CTPS2: variants seen among roughly 807,000 people sequenced by gnomAD.
The protein encoded by CTPS2 is CTP synthase II.
A neutral mutation model predicts 46.8 loss-of-function variants in CTPS2; 19 were observed. That is an observed-to-expected ratio of 0.41 (90% CI 0.28 to 0.60). The LOEUF (loss-of-function observed/expected upper bound fraction) is 0.60. CTPS2 is among the 20% of genes least tolerant of loss of function. The probability of loss-of-function intolerance (pLI) is 0.35; values close to 1 mark genes in which losing one functional copy is unlikely to be tolerated. For synonymous variants in CTPS2, 151 were observed against 165.2 expected (o/e 0.91, Z 0.66); for missense variants, 286 against 447.6 (o/e 0.64, Z 3.26).
At position 16,601,583 on chromosome X, in the gene CTPS2, G is replaced by C. The variant is rs922379026; in HGVS notation, c.1691+7958C>G. Among the ~76,000 whole-genome samples, 688 of 98,616 alleles carry C rather than the reference G, an allele frequency of 7.0e-3. 21 individuals are homozygous for C. The highest frequency in any genetic ancestry group is 0.062 in the Admixed American group (568 of 9,185). The allele number at this position is 98,616 out of a possible 115,157, so 85.6% of individuals were successfully genotyped here. On this transcript the variant is annotated intron_variant, in intron 17 of 18. Coordinates refer to ENST00000359276, the MANE Select transcript of CTPS2 (RefSeq NM_175859.3). Reference sequence around the variant, plus strand: ...CCAAGGGAAGCCATCGGGGGGGGGGGGGTTTAAGTTCCAAAATAATGTGGG... The same window carrying C: ...CCAAGGGAAGCCATCGGGGGGGGGGCGGTTTAAGTTCCAAAATAATGTGGG...
At chrX:16,601,096 C>T (rs1170191584) in intron 17 of CTPS2, among the ~76,000 whole-genome samples, 1 of 111,409 alleles carries the variant, frequency 9.0e-6, no homozygotes, top group Non-Finnish European at 1.9e-5. Context: ...CAAGAATGGC[C>T]CCTGGCAACA....
At chrX:16,647,824 G>A (rs183306609) in intron 13 of CTPS2, among the ~76,000 whole-genome samples, 1 of 111,709 alleles carries the variant, frequency 9.0e-6, no homozygotes, top group East Asian at 2.8e-4. Context: ...GCTCACGCCT[G>A]TAATCCCAGC....
intron 9 of CTPS2, among the ~76,000 whole-genome samples, chrX:16,679,007 A>G (rs1922516249): frequency 9.0e-6 from 1 of 110,993 alleles, no homozygotes; most frequent in Admixed American, 9.7e-5. Context: ...GAAGCAAGAT[A>G]AGCACGTGTG....
chrX:16,668,726 G>A (rs1921430619), intron 11 of CTPS2, among the ~76,000 whole-genome samples: 1 of 92,009 alleles, frequency 1.1e-5, no homozygotes, highest in South Asian at 6.9e-4. Context: ...GGAAGGGAGG[G>A]AAGGGAGAAA....
chrX:16,699,355 T>G (rs1193396001), intron 2 of CTPS2, among the ~76,000 whole-genome samples: 1 of 111,822 alleles, frequency 8.9e-6, no homozygotes, highest in Non-Finnish European at 1.9e-5. Context: ...AAACTCAACA[T>G]ATGCCACATA....
chrX:16,639,279 G>T, intron 13 of CTPS2, 36 bp from the exon 14 acceptor site: 1 of 1,039,430 alleles, frequency 9.6e-7, no homozygotes, highest in Non-Finnish European at 1.4e-6. Flanking sequence ...TTGCCATCTT[G>T]TAAAAATGTC....
At chrX:16,657,272 C>T (rs981071066) in intron 13 of CTPS2, among the ~76,000 whole-genome samples, 3 of 102,917 alleles carry the variant, frequency 2.9e-5, no homozygotes, top group African/African-American at 1.1e-4. Flanking sequence ...ATCATTTTTC[C>T]AGAAGCTGGA....
At chrX:16,650,385 G>A (rs925803002) in intron 13 of CTPS2, among the ~76,000 whole-genome samples, 2 of 111,262 alleles carry the variant, frequency 1.8e-5, no homozygotes, top group African/African-American at 6.5e-5. Flanking sequence ...ACAGCCTGCA[G>A]AGTGCAGATC....
intron 8 of CTPS2, among the ~76,000 whole-genome samples, chrX:16,688,352 A>G (rs1923412880): frequency 9.1e-6 from 1 of 109,956 alleles, no homozygotes; most frequent in African/African-American, 3.3e-5. Flanking sequence ...GTGAGCCAAG[A>G]TCGCACCACT....
chrX:16,668,196 AG>A (rs1921357267), intron 11 of CTPS2, among the ~76,000 whole-genome samples: 1 of 108,536 alleles, frequency 9.2e-6, no homozygotes. Context: ...CGGGAGGCAG[AG>A]GTTGCAGTGA....
chrX:16,707,953 G>C (rs1925150539), intron 1 of CTPS2, among the ~76,000 whole-genome samples: 1 of 111,342 alleles, frequency 9.0e-6, no homozygotes, highest in South Asian at 3.8e-4. Context: ...CTGCATTCCA[G>C]CCTGGACAAT....
At chrX:16,603,067 C>T (rs1419936755) in intron 17 of CTPS2, among the ~76,000 whole-genome samples, 1 of 111,501 alleles carries the variant, frequency 9.0e-6, no homozygotes, top group East Asian at 2.8e-4. Context: ...CTGCCCCAGT[C>T]CTGGAATCAA....
chrX:16,668,739 GAGAA>G (rs1422381955), intron 11 of CTPS2, among the ~76,000 whole-genome samples: 51 of 85,644 alleles, frequency 6.0e-4, no homozygotes, highest in African/African-American at 1.4e-3. Context: ...GGGAGAAAGA[GAGAA>G]AGAAAGAAAG....
intron 10 of CTPS2, among the ~76,000 whole-genome samples, chrX:16,677,360 G>A (rs1306086111): frequency 1.8e-5 from 2 of 111,502 alleles, no homozygotes; most frequent in African/African-American, 6.5e-5. Context: ...TCAGAGTTAT[G>A]AATGGCCCTC....
intron 18 of CTPS2, 57 bp downstream of exon 18, chrX:16,590,695 C>A: frequency 3.0e-6 from 2 of 670,146 alleles, no homozygotes; most frequent in Non-Finnish European, 4.7e-6. Flanking sequence ...CGCCTCTATA[C>A]CAAGATGACA....
At chrX:16,612,357 C>T (rs771885988) in intron 16 of CTPS2, among the ~76,000 whole-genome samples, 2 of 111,632 alleles carry the variant, frequency 1.8e-5, no homozygotes, top group South Asian at 3.7e-4. Flanking sequence ...GCTTGCAGTC[C>T]GCTTTTAAAA....
Position 16,652,963 on chromosome X carries a change from T to C in CTPS2, c.1297-13720A>G, listed in dbSNP as rs191016919. ...TAAAGCAAAGTGCTAAGTGTTTTTG[T>C]AGGAATCTTAGGGGTTAAAATATAT... is the stretch of plus-strand genomic sequence containing the variant. On this transcript the variant is annotated intron_variant, in intron 13 of 18. Transcript: ENST00000359276. Among the ~76,000 whole-genome samples, 267 of 111,676 alleles carry C rather than the reference T, an allele frequency of 2.4e-3. 1 individual carries two copies. Among genetic ancestry groups the C allele is most frequent in the African/African-American group, 8.0e-3 (245 of 30,807 alleles).
intron 17 of CTPS2, 79 bp downstream of exon 17, chrX:16,609,462 G>A (rs1464969385): frequency 3.1e-6 from 3 of 959,998 alleles, no homozygotes; most frequent in African/African-American, 1.9e-5. Context: ...TTCTATAGTG[G>A]TATTAATTTT....
At chrX:16,664,029 A>ATGGG (rs1933073526) in intron 13 of CTPS2, among the ~76,000 whole-genome samples, 1 of 110,983 alleles carries the variant, frequency 9.0e-6, no homozygotes, top group Non-Finnish European at 1.9e-5. Flanking sequence ...GTAGAGACAA[A>ATGGG]GTTTCACCAT....
Sources: gnomAD v4.1 joint callset for allele counts (sites outside exome capture counted in the v4.1 genomes callset) on GRCh38, gnomAD v4.1.1 for gene constraint, MANE v1.5 for transcripts, NCBI Gene and HGNC (gene_info 2026-07-23, HGNC 2026-07-21) for gene names.